WDR1: variants seen among roughly 807,000 people sequenced by gnomAD.
WDR1 encodes WD repeat-containing protein 1.
Under a neutral mutation model 71.9 loss-of-function variants are expected in WDR1, and 21 were observed. That is an observed-to-expected ratio of 0.29 (90% CI 0.21 to 0.42). The LOEUF is 0.42. Ranked by LOEUF, WDR1 falls within the 10% of genes least tolerant of loss-of-function variation. The pLI, the probability that WDR1 is intolerant of heterozygous loss-of-function variation, is 1.00. For synonymous variants in WDR1, 424 were observed against 347.4 expected (o/e 1.22, Z -2.45); for missense variants, 696 against 824.5 (o/e 0.84, Z 1.91).
At chr4:10,089,683 C>A (rs1344558623) in intron 5 of WDR1, among the ~76,000 whole-genome samples, 4 of 152,220 alleles carry the variant, frequency 2.6e-5, no homozygotes, top group African/African-American at 9.6e-5. Context: ...TCTCTTGGCA[C>A]AGGAAGGGCT....
At chr4:10,099,348 G>A (rs1255301371) in intron 3 of WDR1, among the ~76,000 whole-genome samples, 1 of 152,236 alleles carries the variant, frequency 6.6e-6, no homozygotes, top group Non-Finnish European at 1.5e-5. Context: ...GTCAGAGCCC[G>A]TGGCATCCAG....
At chr4:10,085,863 G>C (rs745587362) in intron 8 of WDR1, among the ~76,000 whole-genome samples, 55 of 152,236 alleles carry the variant, frequency 3.6e-4, no homozygotes, top group Non-Finnish European at 5.7e-4. Flanking sequence ...GACTCACACA[G>C]GTGTGGCATT....
intron 3 of WDR1, among the ~76,000 whole-genome samples, chr4:10,103,291 C>G (rs765274088): frequency 7.9e-3 from 52 of 6,580 alleles, no homozygotes; most frequent in South Asian, 0.051. Flanking sequence ...CACACACAGA[C>G]ACACACACAC....
intron 5 of WDR1, among the ~76,000 whole-genome samples, chr4:10,090,646 T>G (rs1553921504): frequency 2.0e-5 from 3 of 152,236 alleles, no homozygotes; most frequent in Non-Finnish European, 1.5e-5. Flanking sequence ...TGCCAAGACC[T>G]GCTCACGGCT....
chr4:10,084,281 T>C (rs1765124649), intron 9 of WDR1, 162 bp downstream of exon 9: 4 of 625,216 alleles, frequency 6.4e-6, no homozygotes, highest in Non-Finnish European at 1.2e-5. Context: ...CCTGTCCCCA[T>C]GTACAGACAG....
intron 6 of WDR1, 136 bp downstream of exon 6, chr4:10,088,528 C>T (rs1179856488): frequency 3.5e-5 from 39 of 1,114,242 alleles, no homozygotes; most frequent in African/African-American, 4.7e-5. Context: ...GCTCTGACGA[C>T]GAGTCTGCAG....
intron 9 of WDR1, chr4:10,083,607 C>T (rs753980287): frequency 4.1e-5 from 20 of 484,078 alleles, no homozygotes; most frequent in African/African-American, 7.8e-5. Context: ...ACAGCACATG[C>T]GGACCAGAGC....
In WDR1 at chr4:10,094,892, G is replaced by C. The variant is rs564612153; in HGVS notation, c.558+2819C>G. ...ATGGAGTTCTGCTTCAGCTTGTACT[G>C]AAACGCCTTCAGAACATGCCTTGTT... On this transcript the variant is annotated intron_variant, in intron 5 of 14. Transcript: ENST00000499869. 4 of 152,388 alleles carry C rather than the reference G, an allele frequency of 2.6e-5. No homozygotes were observed. In the South Asian group the frequency reaches 8.3e-4, roughly 32 times the overall value. 9.4% of individuals were successfully genotyped at this position (152,388 alleles called of 1,614,324 possible). A position where few individuals can be genotyped will look rare whatever the true frequency, so the allele number is the denominator to read the frequency against.
At chr4:10,080,891 C>T (rs737678) in intron 11 of WDR1, among the ~76,000 whole-genome samples, 11,885 of 152,308 alleles carry the variant, frequency 0.078, 752 homozygotes, top group East Asian at 0.31. Flanking sequence ...TGTAAGGAGA[C>T]TTACATGTAC....
Position 10,084,520 on chromosome 4 carries a change from T to G in WDR1, c.962A>C (p.Lys321Thr), listed in dbSNP as rs775108428. The change falls in exon 9 of 15, where the codon AAA becomes ACA. Residue 321 changes from lysine (K) to threonine (T), a missense_variant. Physicochemically the swap from Lys to Thr is moderately conservative, Grantham distance 78. Transcript: ENST00000499869. ...ATGCACCGTCAGACACTGGATCGAT[T>G]TACTGTGACCCTGTGAAGGAGACAC... is the stretch of plus-strand genomic sequence containing the variant. Reference protein sequence around the residue: ...KPLHVIKGHSKSIQCLTVHKN... With the variant: ...KPLHVIKGHSTSIQCLTVHKN... The G allele has an allele frequency of 6.2e-7, 1 of 1,613,714 alleles. No homozygotes were observed. Among genetic ancestry groups the G allele is most frequent in the African/African-American group, 1.3e-5 (1 of 74,908 alleles).
intron 5 of WDR1, among the ~76,000 whole-genome samples, chr4:10,090,883 A>G (rs1220913640): frequency 6.6e-6 from 1 of 152,278 alleles, no homozygotes; most frequent in Non-Finnish European, 1.5e-5. Context: ...GAGTGCTGTC[A>G]TGGTGCTTGC....
At chr4:10,093,925 T>C (rs978326255) in intron 5 of WDR1, among the ~76,000 whole-genome samples, 1 of 152,156 alleles carries the variant, frequency 6.6e-6, no homozygotes, top group Non-Finnish European at 1.5e-5. Context: ...TGAGCTCAAA[T>C]TTTCCTTATC....
chr4:10,093,295 G>C, intron 5 of WDR1: 1 of 449,886 alleles, frequency 2.2e-6, no homozygotes, highest in Non-Finnish European at 3.9e-6. Context: ...TGGTAGAAGG[G>C]GACAGGCTCT....
At chr4:10,083,199 A>T in intron 9 of WDR1, 21 bp from the exon 10 acceptor site, 1 of 1,609,318 alleles carries the variant, frequency 6.2e-7, no homozygotes, top group Non-Finnish European at 8.5e-7. Flanking sequence ...GTTAAGGAAA[A>T]GCCCGGCTCC....
At chr4:10,106,385 C>G (rs553605987) in intron 2 of WDR1, 1 of 152,380 alleles carries the variant, frequency 6.6e-6, no homozygotes, top group Non-Finnish European at 1.5e-5. Context: ...AAATGATCCA[C>G]TTAACAGGCA....
chr4:10,096,942 C>T (rs572377657), intron 5 of WDR1, among the ~76,000 whole-genome samples: 59 of 152,336 alleles, frequency 3.9e-4, no homozygotes, highest in Admixed American at 9.8e-4. Flanking sequence ...AGGGCAGAGC[C>T]GTGGGGTTGT....
chr4:10,113,454 G>A (rs981305879), intron 2 of WDR1, among the ~76,000 whole-genome samples: 2 of 152,244 alleles, frequency 1.3e-5, no homozygotes, highest in African/African-American at 2.4e-5. Context: ...CAGGTACCAA[G>A]ACAGATGTGT....
intron 2 of WDR1, among the ~76,000 whole-genome samples, chr4:10,107,079 G>A (rs1281361731): frequency 6.6e-6 from 1 of 152,188 alleles, no homozygotes. Context: ...AGGGAGGGCA[G>A]GAAGCCAATT....
In WDR1 at chr4:10,081,419, C is replaced by A. The variant is rs370326840; in HGVS notation, c.1222G>T (p.Val408Phe). 1 of 1,613,920 alleles carries A rather than the reference C, an allele frequency of 6.2e-7. No individual in the cohort carries two copies. The highest frequency in any genetic ancestry group is 8.5e-7 in the Non-Finnish European group (1 of 1,179,864). Residue 408 changes from valine to phenylalanine, a missense_variant, in exon 11 of 15, where the codon GTT becomes TTT. Coordinates refer to ENST00000499869, the MANE Select transcript of WDR1 (RefSeq NM_017491.5). ...YSGQGVVKLD[V>F]QPKCVAVGPG... The stretch of plus-strand genomic sequence containing the variant: ...CCGACGGCTACGCACTTTGGCTGAA[C>A]GTCCAGTTTCACAACTCCTTGTCCG...
Sources: allele counts gnomAD v4.1 joint callset (sites outside exome capture counted in the v4.1 genomes callset), GRCh38; gene constraint gnomAD v4.1.1; transcripts MANE v1.5; gene names NCBI Gene and HGNC (gene_info 2026-07-23, HGNC 2026-07-21).